Variants in HELZ observed in about 807,000 individuals in gnomAD.
HELZ encodes the protein ATP-dependent RNA helicase with zinc finger domain.
Under a neutral mutation model 218.2 loss-of-function variants are expected in HELZ, and 23 were observed. The ratio of observed to expected loss-of-function variants is 0.11; its 90% CI spans 0.08 to 0.15. The LOEUF (loss-of-function observed/expected upper bound fraction) is 0.15, where lower values mean the gene tolerates loss of function less well. Ranked by LOEUF, HELZ falls within the 10% of genes least tolerant of loss-of-function variation. The pLI, the probability that HELZ is intolerant of heterozygous loss-of-function variation, is 1.00. For synonymous variants in HELZ, 814 were observed against 829.4 expected, an observed-to-expected ratio of 0.98 and a Z score of 0.32; for missense variants, 1,813 against 2,353.7, an observed-to-expected ratio of 0.77 and a Z score of 4.75.
intron 26 of HELZ, among the ~76,000 whole-genome samples, chr17:67,121,094 C>G (rs2037595986): frequency 6.6e-6 from 1 of 152,148 alleles, no homozygotes; most frequent in African/African-American, 2.4e-5. Context: ...ATATGAGTAA[C>G]CACATCATTT....
In HELZ at chr17:67,166,552, T is replaced by C; in HGVS notation, c.1821A>G (p.Leu607=). ...AAACCCCATTGTCCTTGATCCTGTCTAGTGCATAGTGCATTTCACAGAGGG... is the reference window on the plus strand; with the variant it reads ...AAACCCCATTGTCCTTGATCCTGTCCAGTGCATAGTGCATTTCACAGAGGG... ...RLPLCEMHYA[L]DRIKDNGVLF... The change falls in exon 15 of 33, where the codon CTA becomes CTG. Residue 607 remains leucine, a synonymous_variant. Coordinates refer to ENST00000358691, the MANE Select transcript of HELZ (RefSeq NM_014877.4). 1 of 1,612,506 alleles carries C rather than the reference T, an allele frequency of 6.2e-7. No homozygotes were observed. The highest frequency in any genetic ancestry group is 1.3e-5 in the African/African-American group (1 of 75,014).
chr17:67,124,133 G>A (rs1419428570), intron 24 of HELZ, 119 bp from the exon 25 acceptor site: 25 of 659,808 alleles, frequency 3.8e-5, no homozygotes, highest in Middle Eastern at 8.4e-4. Flanking sequence ...TCTAAAAACT[G>A]TGAGTCTATA....
chr17:67,193,344 CAAAAAAAAA>C (rs34516607), intron 9 of HELZ, among the ~76,000 whole-genome samples: 1 of 91,906 alleles, frequency 1.1e-5, no homozygotes, highest in Non-Finnish European at 2.2e-5. Context: ...GACTCTGTCT[CAAAAAAAAA>C]AAAAAAAAAA....
intron 18 of HELZ, 56 bp from the exon 19 acceptor site, chr17:67,150,041 A>G (rs1378124161): frequency 1.0e-6 from 1 of 976,312 alleles, no homozygotes; most frequent in Non-Finnish European, 1.6e-6. Flanking sequence ...CAAAGGCAGA[A>G]GGACTATAGT....
At chr17:67,194,379 T>A (rs1045188452) in intron 8 of HELZ, among the ~76,000 whole-genome samples, 6 of 152,130 alleles carry the variant, frequency 3.9e-5, no homozygotes, top group Non-Finnish European at 8.8e-5. Context: ...ATGGGATGTT[T>A]GTCTATCAGG....
chr17:67,160,158 T>A, intron 17 of HELZ, 103 bp downstream of exon 17: 1 of 709,548 alleles, frequency 1.4e-6, no homozygotes, highest in Non-Finnish European at 2.4e-6. Flanking sequence ...TGTCAATGCA[T>A]AAAGACTTTG....
At chr17:67,136,528 CA>C (rs1202101091) in intron 22 of HELZ, among the ~76,000 whole-genome samples, 1 of 152,112 alleles carries the variant, frequency 6.6e-6, no homozygotes, top group Non-Finnish European at 1.5e-5. Flanking sequence ...TCACAATAGC[CA>C]AAAGGTGGAA....
intron 5 of HELZ, among the ~76,000 whole-genome samples, chr17:67,213,601 A>G (rs2040512842): frequency 6.6e-6 from 1 of 152,168 alleles, no homozygotes; most frequent in Admixed American, 6.6e-5. Context: ...CAGCCTGATG[A>G]CAGAGCGAGA....
intron 2 of HELZ, among the ~76,000 whole-genome samples, chr17:67,241,349 T>A (rs558067399): frequency 5.0e-4 from 76 of 152,326 alleles, no homozygotes; most frequent in African/African-American, 1.7e-3. Context: ...TTATTTCTTG[T>A]ATGGGGCCTG....
At chr17:67,153,827 C>T (rs2038762322) in intron 17 of HELZ, among the ~76,000 whole-genome samples, 1 of 152,220 alleles carries the variant, frequency 6.6e-6, no homozygotes, top group South Asian at 2.1e-4. Context: ...ATGTTGTTTA[C>T]TCCATCTAAA....
intron 27 of HELZ, among the ~76,000 whole-genome samples, chr17:67,115,319 T>A (rs982764347): frequency 2.6e-5 from 4 of 151,956 alleles, no homozygotes; most frequent in Admixed American, 2.6e-4. Flanking sequence ...GTGCAAAAAC[T>A]TTAAGCATCC....
At chr17:67,207,475 C>G (rs2040336561) in intron 5 of HELZ, among the ~76,000 whole-genome samples, 1 of 152,024 alleles carries the variant, frequency 6.6e-6, no homozygotes. Flanking sequence ...TCACCTCAGT[C>G]TCCCCAAGAG....
Position 67,195,486 on chromosome 17 carries a change from T to C in HELZ, c.430-16A>G. On this transcript the variant is annotated splice_polypyrimidine_tract_variant and intron_variant, in intron 7 of 32. Transcript: ENST00000358691. ...TAGTTGCTGTCTGCAATTTTCCAAA[T>C]GAAAGAATTTTTTAAACAAGAATAA... is the stretch of plus-strand genomic sequence containing the variant. The C allele has an allele frequency of 6.5e-7, 1 of 1,545,706 alleles. No individual in the cohort carries two copies. The highest frequency in any genetic ancestry group is 2.2e-5 in the East Asian group (1 of 44,578).
intron 31 of HELZ, 28 bp from the exon 32 acceptor site, chr17:67,087,109 A>C (rs775136642): frequency 1.2e-6 from 2 of 1,610,898 alleles, no homozygotes; most frequent in Non-Finnish European, 1.7e-6. Context: ...ACATTTCATA[A>C]ATCAGTGCAC....
chr17:67,149,977 T>TA lies in HELZ; in HGVS notation c.2364dup (p.Thr789TyrfsTer7). The TA allele has an allele frequency of 1.2e-6, 2 of 1,602,888 alleles. No homozygotes were observed. Among genetic ancestry groups the TA allele is most frequent in the Non-Finnish European group, 1.7e-6 (2 of 1,172,100 alleles). ...GCAGCTTCATCTAATAGAATGTGTG[T>TA]AAAAAACCCTAGAAAATGCAGCATA... On this transcript the variant is annotated frameshift_variant, in exon 19 of 33. Transcript: ENST00000358691. LOFTEE classifies it high-confidence loss of function.
In HELZ at chr17:67,188,702, A is replaced by G. The variant is rs1423908209; in HGVS notation, c.865-86T>C. ...GGCTCTTCAATGAAAATATTTCCAT[A>G]AGGGACTTTTACTTCCCCAAGCTTC... On this transcript the variant is annotated intron_variant, in intron 11 of 32. Transcript: ENST00000358691. This position sits in a 1 kb window ranked among gnomAD's most constrained non-coding sequence, Gnocchi z 4.1. The G allele has an allele frequency of 9.0e-7, 1 of 1,107,892 alleles. No individual in the cohort carries two copies. Among genetic ancestry groups the G allele is most frequent in the East Asian group, 2.4e-5 (1 of 41,442 alleles). The allele number at this position is 1,107,892 out of a possible 1,614,324, so 68.6% of individuals were successfully genotyped here. A position where few individuals can be genotyped will look rare whatever the true frequency, so the allele number is the denominator to read the frequency against.
intron 23 of HELZ, among the ~76,000 whole-genome samples, chr17:67,132,218 C>CTGTGTGTG (rs57691319): frequency 0.036 from 5,331 of 147,934 alleles, 280 homozygotes; most frequent in African/African-American, 0.12. Flanking sequence ...CCTTAGGTCA[C>CTGTGTGTG]TGTGTGTGTG....
In HELZ at chr17:67,114,407, A is replaced by G. The variant is rs759365715; in HGVS notation, c.3839-4T>C. 2 of 1,556,094 alleles carry G rather than the reference A, an allele frequency of 1.3e-6. No homozygotes were observed. The highest frequency in any genetic ancestry group is 1.8e-6 in the Non-Finnish European group (2 of 1,127,640). On this transcript the variant is annotated splice_region_variant and splice_polypyrimidine_tract_variant and intron_variant, in intron 27 of 32. Transcript: ENST00000358691. ...GAATTATTTGTATCACTTTTACCTA[A>G]GAAAATATTTAAAAATCCTTATAAG...
At chr17:67,123,196 C>G in intron 25 of HELZ, 36 bp from the exon 26 acceptor site, 1 of 1,328,578 alleles carries the variant, frequency 7.5e-7, no homozygotes, top group Non-Finnish European at 1.1e-6. Context: ...CACTCAACAG[C>G]TGTACATAGT....
Sources: gnomAD v4.1 joint callset for allele counts (sites outside exome capture counted in the v4.1 genomes callset) on GRCh38, gnomAD v4.1.1 for gene constraint, Gnocchi (gnomAD v3.1) non-coding constraint, MANE v1.5 for transcripts, NCBI Gene and HGNC (gene_info 2026-07-23, HGNC 2026-07-21) for gene names.